NOC3L: variants seen among roughly 807,000 people sequenced by gnomAD.
NOC3L encodes NOC3 like DNA replication regulator, also known as nucleolar complex protein 3 homolog.
NOC3L carries 85 observed loss-of-function variants against 102.5 expected under a neutral mutation model. The ratio of observed to expected loss-of-function variants is 0.83; its 90% CI spans 0.70 to 0.99. NOC3L has a LOEUF of 0.99. NOC3L is among the 50% of genes least tolerant of loss of function. NOC3L has a pLI of 0.00. For synonymous variants in NOC3L, 303 were observed against 309.4 expected (o/e 0.98, Z 0.22); for missense variants, 878 against 914.9 (o/e 0.96, Z 0.52).
intron 8 of NOC3L, among the ~76,000 whole-genome samples, chr10:94,350,901 A>G (rs972358759): frequency 1.3e-5 from 2 of 152,058 alleles, no homozygotes; most frequent in Admixed American, 1.3e-4. Flanking sequence ...AATACAAACC[A>G]GATTTGAACT....
the NOC3L span, chr10:94,325,289 A>G: frequency 5.3e-6 from 3 of 566,590 alleles, no homozygotes; most frequent in African/African-American, 5.6e-5. Flanking sequence ...ATGCTATTGA[A>G]CACCGCCTAT....
chr10:94,336,612 T>C (rs891535372), intron 19 of NOC3L, among the ~76,000 whole-genome samples: 2 of 151,808 alleles, frequency 1.3e-5, no homozygotes, highest in Non-Finnish European at 2.9e-5. Context: ...CCTCCCAAAG[T>C]GCTGGGATTA....
At chr10:94,341,772 G>A (rs1480412058) in intron 13 of NOC3L, 27 bp from the exon 14 acceptor site, 2 of 1,348,444 alleles carry the variant, frequency 1.5e-6, no homozygotes, top group Non-Finnish European at 2.0e-6. Flanking sequence ...CAGTTAATCA[G>A]TGAACTAAAA....
At chr10:94,324,557 A>G in the NOC3L span, 1 of 1,613,020 alleles carries the variant, frequency 6.2e-7, no homozygotes, top group South Asian at 1.1e-5. Flanking sequence ...AAGCTAAAGG[A>G]GCAGGTGCAG....
Position 94,352,271 on chromosome 10 carries a change from CTAAGTA to C in NOC3L, c.952+33_952+38del, listed in dbSNP as rs764039045. 3.0e-6 allele frequency: 4 copies of C among 1,343,432 alleles called. No individual in the cohort carries two copies. The South Asian group carries it at 3.6e-5, about 12-fold the overall frequency. The allele number at this position is 1,343,432 out of a possible 1,614,324, so 83.2% of individuals were successfully genotyped here. On this transcript the variant is annotated intron_variant, in intron 8 of 20. Coordinates refer to ENST00000371361, the MANE Select transcript of NOC3L (RefSeq NM_022451.11). The stretch of plus-strand genomic sequence containing the variant: ...ACAGAATTCACCTTCATGATCAAGG[CTAAGTA>C]TGTTACAAACTTTGAAGATATGTTT...
In NOC3L at chr10:94,352,419, A is replaced by T. The variant is rs2054430168; in HGVS notation, c.859-16T>A. 6.4e-7 allele frequency: 1 copy of T among 1,552,838 alleles called. No homozygotes were observed. The highest frequency in any genetic ancestry group is 8.8e-7 in the Non-Finnish European group (1 of 1,130,776). ...CTTTTCGGGTCTGAAAAGACCAAAA[A>T]GGTCAATCATTTTTTAAAATCAGAA... On this transcript the variant is annotated splice_polypyrimidine_tract_variant and intron_variant, in intron 7 of 20. Coordinates refer to ENST00000371361, the MANE Select transcript of NOC3L (RefSeq NM_022451.11).
At chr10:94,340,604 G>A in intron 14 of NOC3L, 108 bp from the exon 15 acceptor site, 1 of 892,424 alleles carries the variant, frequency 1.1e-6, no homozygotes, top group Non-Finnish European at 1.7e-6. Flanking sequence ...ACTCAAGCCT[G>A]TAATCCCAGC....
intron 6 of NOC3L, among the ~76,000 whole-genome samples, chr10:94,354,315 G>A (rs149610249): frequency 5.2e-4 from 79 of 152,198 alleles, no homozygotes; most frequent in Admixed American, 8.5e-4. Flanking sequence ...ATGACTTCAC[G>A]TATATTTCAT....
chr10:94,316,122 A>G, the NOC3L span, among the ~76,000 whole-genome samples: 1 of 152,200 alleles, frequency 6.6e-6, no homozygotes, highest in Non-Finnish European at 1.5e-5. Context: ...CCACATGAGA[A>G]CCTAGCCCTA....
chr10:94,330,268 A>C (rs1002027783), downstream of NOC3L: 4 of 152,272 alleles, frequency 2.6e-5, no homozygotes, highest in African/African-American at 9.6e-5. Flanking sequence ...AAGTGAGAGA[A>C]TCCAGCCTAC....
At chr10:94,337,248 G>A (rs1017712487) in intron 19 of NOC3L, among the ~76,000 whole-genome samples, 2 of 151,664 alleles carry the variant, frequency 1.3e-5, no homozygotes, top group Non-Finnish European at 2.9e-5. Context: ...ACTCTGCAAG[G>A]GCCAAAAAAA....
chr10:94,355,120 A>G (rs746815269), intron 5 of NOC3L, 27 bp from the exon 6 acceptor site: 1 of 1,586,932 alleles, frequency 6.3e-7, no homozygotes, highest in African/African-American at 1.3e-5. Context: ...GTTCCCTTAC[A>G]TATTCCTCTG....
At chr10:94,342,288 A>G (rs2054294684) in intron 13 of NOC3L, among the ~76,000 whole-genome samples, 1 of 152,166 alleles carries the variant, frequency 6.6e-6, no homozygotes, top group African/African-American at 2.4e-5. Flanking sequence ...ATAGGGTTAA[A>G]GAAGAATCAT....
chr10:94,344,634 A>G, intron 12 of NOC3L, 119 bp from the exon 13 acceptor site: 2 of 715,420 alleles, frequency 2.8e-6, no homozygotes, highest in South Asian at 3.8e-5. Context: ...CCCACAATGC[A>G]ATCTTTGAAA....
In NOC3L at chr10:94,340,500, TA is replaced by T. The variant is rs34713827; in HGVS notation, c.1645-5del. ...GACTTTCTTGATAGCTTAGGTCCTT[TA>T]AAAAAAAAAGGGGGGGGTGAGGGGG... On this transcript the variant is annotated splice_polypyrimidine_tract_variant and splice_region_variant and intron_variant, in intron 14 of 20. Coordinates refer to ENST00000371361, the MANE Select transcript of NOC3L (RefSeq NM_022451.11). 190,774 of 729,978 alleles carry T rather than the reference TA, an allele frequency of 0.26. 13,299 individuals carry two copies. The highest frequency in any genetic ancestry group is 0.33 in the Middle Eastern group (835 of 2,558). 45.2% of individuals were successfully genotyped at this position (729,978 alleles called of 1,614,324 possible).
At position 94,344,719 on chromosome 10, in the gene NOC3L, G is replaced by A. The variant is rs748681266; in HGVS notation, c.1470+134C>T. 2.2e-4 allele frequency: 157 copies of A among 714,316 alleles called. No individual in the cohort carries two copies. The Middle Eastern group carries it at 2.8e-3, about 13-fold the overall frequency. The allele number at this position is 714,316 out of a possible 1,614,324, so 44.2% of individuals were successfully genotyped here. ...AGCACTGATCACATCACAGTTTCCCGCACATCACAAAAGTCACACATCTAA... is the reference window on the plus strand; with the variant it reads ...AGCACTGATCACATCACAGTTTCCCACACATCACAAAAGTCACACATCTAA... On this transcript the variant is annotated intron_variant, in intron 12 of 20. Transcript: ENST00000371361.
intron 13 of NOC3L, among the ~76,000 whole-genome samples, 200 bp from the exon 14 acceptor site, chr10:94,341,945 G>A (rs928225327): frequency 2.6e-5 from 4 of 152,158 alleles, no homozygotes; most frequent in Admixed American, 2.0e-4. Flanking sequence ...ACTAAACTCA[G>A]TAGAAATATA....
rs573735753 is a variant in NOC3L, at chr10:94,337,517, T to C, written c.2189+260A>G. On this transcript the variant is annotated intron_variant, in intron 19 of 20. Coordinates refer to ENST00000371361, the MANE Select transcript of NOC3L (RefSeq NM_022451.11). Reference sequence around the variant, plus strand: ...CATTCACTATGCCATTCTACTATCCTGTATGTGCGAAACTTTTCACGATTA... The same window carrying C: ...CATTCACTATGCCATTCTACTATCCCGTATGTGCGAAACTTTTCACGATTA... 2.6e-5 allele frequency among the ~76,000 whole-genome samples: 4 copies of C among 152,140 alleles called. No homozygotes were observed. The South Asian group carries it at 8.3e-4, about 32-fold the overall frequency.
intron 13 of NOC3L, among the ~76,000 whole-genome samples, chr10:94,343,937 C>G (rs2054314134): frequency 6.6e-6 from 1 of 152,136 alleles, no homozygotes; most frequent in Non-Finnish European, 1.5e-5. Flanking sequence ...TTGTGGAACG[C>G]TATCATGACA....
Sources: gnomAD v4.1 joint callset for allele counts (sites outside exome capture counted in the v4.1 genomes callset) on GRCh38, gnomAD v4.1.1 for gene constraint, MANE v1.5 for transcripts, NCBI Gene and HGNC (gene_info 2026-07-23, HGNC 2026-07-21) for gene names.